Variants in ADAMTS3 observed in about 807,000 individuals in gnomAD.
ADAMTS3 encodes ADAM metallopeptidase with thrombospondin type 1 motif 3, also known as A disintegrin and metalloproteinase with thrombospondin motifs 3.
In ADAMTS3, 73 loss-of-function variants were observed where a neutral mutation model predicts 129.0. The ratio of observed to expected loss-of-function variants is 0.57; its 90% CI spans 0.47 to 0.69. The LOEUF is 0.69. Ranked by LOEUF, ADAMTS3 falls within the 30% of genes least tolerant of loss-of-function variation. ADAMTS3 has a pLI of 0.00. For missense variants in ADAMTS3, 1,457 were observed against 1,514.5 expected (o/e 0.96, Z 0.63); for synonymous variants, 477 against 510.8 (o/e 0.93, Z 0.89).
chr4:72,323,402 G>T (rs946595228), intron 5 of ADAMTS3, among the ~76,000 whole-genome samples: 2 of 152,128 alleles, frequency 1.3e-5, no homozygotes, highest in African/African-American at 4.8e-5. Flanking sequence ...TATAACATTA[G>T]CCAAAAGCAA....
chr4:72,554,375 T>G (rs1032176567), intron 2 of ADAMTS3, among the ~76,000 whole-genome samples: 1 of 152,206 alleles, frequency 6.6e-6, no homozygotes, highest in Non-Finnish European at 1.5e-5. Flanking sequence ...CATGATACCC[T>G]GCAAATAGTA....
At chr4:72,363,239 T>C (rs766013402) in intron 4 of ADAMTS3, among the ~76,000 whole-genome samples, 10 of 152,150 alleles carry the variant, frequency 6.6e-5, no homozygotes, top group Non-Finnish European at 1.0e-4. Context: ...TACAAGGAGA[T>C]AGTATGGAAA....
At chr4:72,448,362 G>A (rs1718310020) in intron 3 of ADAMTS3, among the ~76,000 whole-genome samples, 1 of 151,786 alleles carries the variant, frequency 6.6e-6, no homozygotes, top group Non-Finnish European at 1.5e-5. Context: ...GTGATTCAGA[G>A]TAATTTTCTT....
At chr4:72,439,946 G>C (rs1718065519) in intron 3 of ADAMTS3, among the ~76,000 whole-genome samples, 1 of 151,658 alleles carries the variant, frequency 6.6e-6, no homozygotes, top group Non-Finnish European at 1.5e-5. Context: ...CAAATTCACT[G>C]AGATGGTTAC....
At chr4:72,417,950 T>C (rs888042477) in intron 3 of ADAMTS3, among the ~76,000 whole-genome samples, 11 of 81,174 alleles carry the variant, frequency 1.4e-4, no homozygotes, top group South Asian at 5.2e-4. Context: ...AAAAAGTAAG[T>C]ACTTTATATA....
At chr4:72,435,458 T>C (rs1426963665) in intron 3 of ADAMTS3, among the ~76,000 whole-genome samples, 1 of 151,948 alleles carries the variant, frequency 6.6e-6, no homozygotes, top group Non-Finnish European at 1.5e-5. Flanking sequence ...ACTGAACATG[T>C]ATTTTTTTAA....
In ADAMTS3 at chr4:72,335,376, A is replaced by T. The variant is rs538203369; in HGVS notation, c.861+4118T>A. Among the ~76,000 whole-genome samples the T allele has an allele frequency of 5.9e-5, 9 of 152,302 alleles. No homozygotes were observed. The South Asian group carries it at 1.9e-3, about 32-fold the overall frequency. On this transcript the variant is annotated intron_variant, in intron 5 of 21. Transcript: ENST00000286657. ...GTTAGGAAATACGGCCCTGAAATAGATTAAATATATTTGTATCCAAAAGGT... is the reference window on the plus strand; with the variant it reads ...GTTAGGAAATACGGCCCTGAAATAGTTTAAATATATTTGTATCCAAAAGGT...
intron 5 of ADAMTS3, among the ~76,000 whole-genome samples, chr4:72,333,712 T>C (rs1719909702): frequency 6.6e-6 from 1 of 152,154 alleles, no homozygotes. Context: ...TGAGCCACAA[T>C]GACCTTTTAG....
intron 3 of ADAMTS3, among the ~76,000 whole-genome samples, chr4:72,419,827 C>A (rs1009383940): frequency 1.3e-5 from 2 of 151,956 alleles, no homozygotes; most frequent in East Asian, 3.9e-4. Flanking sequence ...CCACGGAGGA[C>A]TATTAGTACT....
At chr4:72,514,166 C>T (rs2109727680) in intron 3 of ADAMTS3, among the ~76,000 whole-genome samples, 1 of 152,162 alleles carries the variant, frequency 6.6e-6, no homozygotes, top group East Asian at 1.9e-4. Flanking sequence ...TGTCACCAGG[C>T]CTTACCCATC....
rs190530970 is a variant in ADAMTS3, at chr4:72,520,941, G to A, written c.504+27537C>T. Among the ~76,000 whole-genome samples the A allele has an allele frequency of 7.9e-5, 12 of 152,054 alleles. No individual in the cohort carries two copies. In the East Asian group the frequency reaches 9.7e-4, roughly 12 times the overall value. On this transcript the variant is annotated intron_variant, in intron 3 of 21. Coordinates refer to ENST00000286657, the MANE Select transcript of ADAMTS3 (RefSeq NM_014243.3). ...ATCACCCGTCTTCTGCATCGCTCAC[G>A]CTGGGAGCTGTAGACTAGCGCTGTT...
rs1324494850 is a variant in ADAMTS3, at chr4:72,520,558, C to T, written c.504+27920G>A. Among the ~76,000 whole-genome samples, 5 of 152,342 alleles carry T rather than the reference C, an allele frequency of 3.3e-5. No homozygotes were observed. In the East Asian group the frequency reaches 5.8e-4, roughly 18 times the overall value. ...GCCTGGGCAATGGCGGGCGCCCCTC[C>T]CCCAGCCTCGCTGCCGCCTTGCAGT... On this transcript the variant is annotated intron_variant, in intron 3 of 21. Coordinates refer to ENST00000286657, the MANE Select transcript of ADAMTS3 (RefSeq NM_014243.3).
intron 3 of ADAMTS3, among the ~76,000 whole-genome samples, chr4:72,453,197 C>T (rs1368808038): frequency 6.6e-6 from 1 of 151,744 alleles, no homozygotes; most frequent in Non-Finnish European, 1.5e-5. Flanking sequence ...TTTATCAGTC[C>T]TCTGAGTAGC....
intron 20 of ADAMTS3, among the ~76,000 whole-genome samples, chr4:72,290,045 A>G (rs1406303798): frequency 6.6e-6 from 1 of 152,116 alleles, no homozygotes; most frequent in African/African-American, 2.4e-5. Flanking sequence ...CTATTCTCCT[A>G]TGACCCCAAG....
intron 3 of ADAMTS3, among the ~76,000 whole-genome samples, chr4:72,513,895 C>G (rs1393478023): frequency 6.6e-6 from 1 of 152,052 alleles, no homozygotes; most frequent in Non-Finnish European, 1.5e-5. Flanking sequence ...ACATGTGTAT[C>G]CATTGTTTAG....
At chr4:72,355,616 C>A (rs1720563126) in intron 4 of ADAMTS3, among the ~76,000 whole-genome samples, 1 of 151,946 alleles carries the variant, frequency 6.6e-6, no homozygotes, top group Non-Finnish European at 1.5e-5. Context: ...TAGTATTCAT[C>A]CCCTCGTGGG....
chr4:72,307,120 G>A (rs563272760), intron 15 of ADAMTS3, among the ~76,000 whole-genome samples: 1 of 151,986 alleles, frequency 6.6e-6, no homozygotes, highest in South Asian at 2.1e-4. Context: ...AATTATTGAT[G>A]AAATAAGAAA....
At chr4:72,339,423 C>A in intron 5 of ADAMTS3, 71 bp downstream of exon 5, 5 of 1,499,366 alleles carry the variant, frequency 3.3e-6, no homozygotes, top group Non-Finnish European at 4.6e-6. Context: ...ACACAGATTG[C>A]CAAAGGGTAC....
At chr4:72,395,074 G>A (rs189525215) in intron 4 of ADAMTS3, among the ~76,000 whole-genome samples, 202 of 151,930 alleles carry the variant, frequency 1.3e-3, no homozygotes, top group Middle Eastern at 0.01. Flanking sequence ...ACAGGCATGT[G>A]CCACTACACC....
Sources: gnomAD v4.1 joint callset for allele counts (sites outside exome capture counted in the v4.1 genomes callset) on GRCh38, gnomAD v4.1.1 for gene constraint, MANE v1.5 for transcripts, NCBI Gene and HGNC (gene_info 2026-07-23, HGNC 2026-07-21) for gene names.